Variants in IL4R observed in about 807,000 individuals in gnomAD.
IL4R encodes interleukin-4 receptor subunit alpha.
In IL4R, 17 loss-of-function variants were observed where a neutral mutation model predicts 41.5. The ratio of observed to expected loss-of-function variants is 0.41; its 90% CI spans 0.28 to 0.61. IL4R has a LOEUF of 0.61. Ranked by LOEUF, IL4R falls within the 20% of genes least tolerant of loss-of-function variation. The probability of loss-of-function intolerance (pLI) is 0.31; values close to 1 mark genes in which losing one functional copy is unlikely to be tolerated. For synonymous variants in IL4R, 402 were observed against 422.9 expected, an observed-to-expected ratio of 0.95 and a Z score of 0.61; for missense variants, 974 against 1,043.1, an observed-to-expected ratio of 0.93 and a Z score of 0.91.
chr16:27,361,206 A>G (rs908532085), intron 10 of IL4R, among the ~76,000 whole-genome samples: 1 of 152,000 alleles, frequency 6.6e-6, no homozygotes, highest in Non-Finnish European at 1.5e-5. Context: ...TGGTGCGATC[A>G]TAGCTCACTG....
At chr16:27,360,986 C>T in intron 10 of IL4R, 171 bp downstream of exon 10, 1 of 1,484,850 alleles carries the variant, frequency 6.7e-7, no homozygotes, top group Non-Finnish European at 9.0e-7. Context: ...ACGTGGACTG[C>T]TGGCCAAGCC....
intron 6 of IL4R, among the ~76,000 whole-genome samples, chr16:27,348,735 C>T (rs146344578): frequency 6.6e-6 from 1 of 152,282 alleles, no homozygotes; most frequent in Non-Finnish European, 1.5e-5. Context: ...GGTGGAGGGC[C>T]CTGCTTGTCC....
intron 6 of IL4R, among the ~76,000 whole-genome samples, chr16:27,351,839 A>T (rs1231336928): frequency 6.6e-6 from 1 of 152,212 alleles, no homozygotes; most frequent in Non-Finnish European, 1.5e-5. Flanking sequence ...AAAACAAACA[A>T]ACAAACAAAA....
intron 3 of IL4R, among the ~76,000 whole-genome samples, chr16:27,341,473 G>A (rs1341819559): frequency 2.6e-5 from 4 of 152,134 alleles, no homozygotes; most frequent in Admixed American, 6.6e-5. Flanking sequence ...GCATGGAGGC[G>A]CCTGAGTGGT....
intron 2 of IL4R, among the ~76,000 whole-genome samples, chr16:27,331,794 A>G (rs1263350694): frequency 6.6e-6 from 1 of 152,012 alleles, no homozygotes; most frequent in Non-Finnish European, 1.5e-5. Flanking sequence ...TTATTATCCA[A>G]TAATAGTATT....
chr16:27,361,074 G>A lies in IL4R; in HGVS notation c.899+259G>A, dbSNP rs3024670. The A allele has an allele frequency of 2.0e-5, 28 of 1,371,418 alleles. No homozygotes were observed. The African/African-American group carries it at 2.0e-4, about 10-fold the overall frequency. 85.0% of individuals were successfully genotyped at this position (1,371,418 alleles called of 1,614,324 possible). ...GTTATAGTTAACAACCAGAGCAGCC[G>A]TGCCTGTTGTTAAAATCTTGACCTA... On this transcript the variant is annotated intron_variant, in intron 10 of 10. Transcript: ENST00000395762.
intron 1 of IL4R, among the ~76,000 whole-genome samples, chr16:27,325,602 TA>T (rs2084935317): frequency 6.6e-6 from 1 of 150,730 alleles, no homozygotes; most frequent in Non-Finnish European, 1.5e-5. Context: ...TTCAGAATCA[TA>T]AAATGGGTTT....
intron 9 of IL4R, among the ~76,000 whole-genome samples, 191 bp from the exon 10 acceptor site, chr16:27,360,575 G>A (rs980237538): frequency 6.6e-6 from 1 of 152,168 alleles, no homozygotes; most frequent in South Asian, 2.1e-4. Flanking sequence ...TTTTGCCATC[G>A]ACCACAGTCC....
At chr16:27,320,134 T>C (rs972058331) in intron 1 of IL4R, among the ~76,000 whole-genome samples, 1 of 152,262 alleles carries the variant, frequency 6.6e-6, no homozygotes, top group South Asian at 2.1e-4. Flanking sequence ...CCCAAAGTGC[T>C]GGGATTACAG....
At chr16:27,316,472 C>T (rs1217534919) in intron 1 of IL4R, among the ~76,000 whole-genome samples, 1 of 152,206 alleles carries the variant, frequency 6.6e-6, no homozygotes, top group Non-Finnish European at 1.5e-5. Context: ...TGGAGGAGAG[C>T]GTTTGGGATT....
In IL4R at chr16:27,325,284, A is replaced by G. The variant is rs115858782; in HGVS notation, c.-151-4782A>G. 3.7e-3 allele frequency among the ~76,000 whole-genome samples: 559 copies of G among 152,118 alleles called. 4 individuals are homozygous for G. Among genetic ancestry groups the G allele is most frequent in the African/African-American group, 0.012 (518 of 41,526 alleles). On this transcript the variant is annotated intron_variant, in intron 1 of 10. Transcript: ENST00000395762. Reference sequence around the variant, plus strand: ...ACCCCGCCCTCTCATAAGAACCTTCAGAATCTGCCAGACGCAGTGGCTCAC... The same window carrying G: ...ACCCCGCCCTCTCATAAGAACCTTCGGAATCTGCCAGACGCAGTGGCTCAC...
intron 6 of IL4R, 49 bp downstream of exon 6, chr16:27,346,667 T>TG: frequency 6.2e-7 from 1 of 1,601,376 alleles, no homozygotes; most frequent in Non-Finnish European, 8.5e-7. Flanking sequence ...GGGAACAGGG[T>TG]GGGTGACCAG....
At chr16:27,318,001 G>A (rs766480746) in intron 1 of IL4R, among the ~76,000 whole-genome samples, 2 of 152,138 alleles carry the variant, frequency 1.3e-5, no homozygotes, top group African/African-American at 2.4e-5. Flanking sequence ...CTCTCCTGGG[G>A]TTTAGATTCT....
intron 1 of IL4R, among the ~76,000 whole-genome samples, chr16:27,323,432 A>G (rs2084869675): frequency 6.6e-6 from 1 of 152,186 alleles, no homozygotes; most frequent in African/African-American, 2.4e-5. Flanking sequence ...TGTATAAAAA[A>G]GCAAGTTTAT....
intron 1 of IL4R, among the ~76,000 whole-genome samples, chr16:27,327,712 GACC>G (rs1290335636): frequency 2.0e-5 from 3 of 152,074 alleles, no homozygotes; most frequent in Non-Finnish European, 4.4e-5. Context: ...ATGGTTCTGT[GACC>G]ACCAGCAAGT....
At chr16:27,330,290 G>A (rs1298611264) in intron 2 of IL4R, 92 bp downstream of exon 2, 1 of 151,670 alleles carries the variant, frequency 6.6e-6, no homozygotes, top group Non-Finnish European at 1.5e-5. Flanking sequence ...GGGAGGCTGA[G>A]GCAGGAGAAT....
At chr16:27,320,922 T>G (rs954406301) in intron 1 of IL4R, among the ~76,000 whole-genome samples, 1 of 150,746 alleles carries the variant, frequency 6.6e-6, no homozygotes, top group African/African-American at 2.4e-5. Flanking sequence ...CTTCCTGAGA[T>G]TTAGCCAAAT....
chr16:27,341,990 C>T, intron 3 of IL4R, 131 bp from the exon 4 acceptor site: 1 of 963,436 alleles, frequency 1.0e-6, no homozygotes, highest in Non-Finnish European at 1.5e-6. Flanking sequence ...CTGGCCCCAG[C>T]TCTGTGGGCG....
At chr16:27,340,396 G>A (rs1360544864) in intron 3 of IL4R, 123 bp downstream of exon 3, 2 of 711,946 alleles carry the variant, frequency 2.8e-6, no homozygotes, top group Non-Finnish European at 5.0e-6. Context: ...ATGACAAGTG[G>A]CCCTGATTAT....
Sources: gnomAD v4.1 joint callset for allele counts (sites outside exome capture counted in the v4.1 genomes callset) on GRCh38, gnomAD v4.1.1 for gene constraint, MANE v1.5 for transcripts, NCBI Gene and HGNC (gene_info 2026-07-23, HGNC 2026-07-21) for gene names.